RERE: variants seen among roughly 807,000 people sequenced by gnomAD.
The protein encoded by RERE is arginine-glutamic acid dipeptide repeats, also known as arginine-glutamic acid dipeptide repeats protein.
RERE carries 40 observed loss-of-function variants against 146.1 expected under a neutral mutation model. The observed-to-expected ratio is 0.27, with a 90% CI of 0.21 to 0.36. The LOEUF (loss-of-function observed/expected upper bound fraction) is 0.36, where lower values mean the gene tolerates loss of function less well. Ranked by LOEUF, RERE falls within the 10% of genes least tolerant of loss-of-function variation. The probability of loss-of-function intolerance (pLI) is 1.00; values close to 1 mark genes in which losing one functional copy is unlikely to be tolerated. For missense variants in RERE, 1,933 were observed against 2,138.7 expected, an observed-to-expected ratio of 0.90 and a Z score of 1.90; for synonymous variants, 1,003 against 866.0, an observed-to-expected ratio of 1.16 and a Z score of -2.78.
At chr1:8,403,546 A>C (rs1255577806) in intron 12 of RERE, among the ~76,000 whole-genome samples, 1 of 149,142 alleles carries the variant, frequency 6.7e-6, no homozygotes, top group Non-Finnish European at 1.5e-5. Flanking sequence ...TTGTATTTTT[A>C]GTAGAGGCAG....
chr1:8,440,183 C>G (rs1162596813), intron 11 of RERE, among the ~76,000 whole-genome samples: 5 of 152,232 alleles, frequency 3.3e-5, no homozygotes, highest in Admixed American at 2.0e-4. Context: ...TTGAAACTGT[C>G]ATCTTGGACT....
At chr1:8,363,124 G>A (rs1641656038) in intron 15 of RERE, among the ~76,000 whole-genome samples, 3 of 152,258 alleles carry the variant, frequency 2.0e-5, no homozygotes, top group Admixed American at 6.5e-5. Context: ...ACGTGTGCTG[G>A]AAATGAACCA....
At chr1:8,731,021 G>A (rs955783071) in intron 1 of RERE, among the ~76,000 whole-genome samples, 1 of 152,054 alleles carries the variant, frequency 6.6e-6, no homozygotes, top group African/African-American at 2.4e-5. Context: ...AGAGCAAACA[G>A]CTACCACAAA....
At chr1:8,428,285 T>C (rs1644045222) in intron 11 of RERE, among the ~76,000 whole-genome samples, 1 of 152,186 alleles carries the variant, frequency 6.6e-6, no homozygotes, top group African/African-American at 2.4e-5. Flanking sequence ...TCTTGAGATG[T>C]TGGCACTTGT....
intron 1 of RERE, among the ~76,000 whole-genome samples, chr1:8,738,343 T>C (rs1394129160): frequency 6.6e-6 from 1 of 151,988 alleles, no homozygotes; most frequent in Non-Finnish European, 1.5e-5. Flanking sequence ...AGTGCAGTGG[T>C]GTGAACTTGG....
At position 8,533,424 on chromosome 1, in the gene RERE, C is replaced by T. The variant is rs985766970; in HGVS notation, c.830+7790G>A. Among the ~76,000 whole-genome samples the T allele has an allele frequency of 3.9e-5, 6 of 152,182 alleles. No individual in the cohort carries two copies. In the South Asian group the frequency reaches 1.2e-3, roughly 32 times the overall value. ...ACAGTTAATGGTACATGGTTTCTTCCGATATTTCTGACGGTGAGCTTGGCA... is the reference window on the plus strand; with the variant it reads ...ACAGTTAATGGTACATGGTTTCTTCTGATATTTCTGACGGTGAGCTTGGCA... On this transcript the variant is annotated intron_variant, in intron 7 of 22. Transcript: ENST00000400908.
chr1:8,625,664 T>C (rs888563541), intron 2 of RERE, among the ~76,000 whole-genome samples: 1 of 152,184 alleles, frequency 6.6e-6, no homozygotes, highest in East Asian at 1.9e-4. Context: ...TATCTTACAA[T>C]AATTCAGATG....
chr1:8,433,609 G>A (rs965700891), intron 11 of RERE, among the ~76,000 whole-genome samples: 42 of 147,698 alleles, frequency 2.8e-4, no homozygotes, highest in African/African-American at 9.6e-4. Context: ...GTCGGACTGC[G>A]GACTGCAGTG....
At chr1:8,812,905 T>G (rs191766151) in intron 1 of RERE, among the ~76,000 whole-genome samples, 22 of 152,164 alleles carry the variant, frequency 1.4e-4, no homozygotes, top group Admixed American at 1.3e-3. Context: ...AACAATGTTC[T>G]AACACATATT....
At chr1:8,752,797 C>G (rs1490366328) in intron 1 of RERE, among the ~76,000 whole-genome samples, 1 of 152,030 alleles carries the variant, frequency 6.6e-6, no homozygotes, top group Non-Finnish European at 1.5e-5. Flanking sequence ...AACTTTAAAC[C>G]ATTTCATAAT....
At chr1:8,468,908 A>AAAG (rs1333224085) in intron 10 of RERE, among the ~76,000 whole-genome samples, 2 of 152,042 alleles carry the variant, frequency 1.3e-5, no homozygotes, top group African/African-American at 4.8e-5. Flanking sequence ...AATAAAAAAA[A>AAAG]AAAGAAAGAA....
chr1:8,611,293 C>A (rs957831487), intron 4 of RERE, among the ~76,000 whole-genome samples: 1 of 152,064 alleles, frequency 6.6e-6, no homozygotes, highest in Non-Finnish European at 1.5e-5. Flanking sequence ...CACTTGAGGT[C>A]AGGAGTTCAA....
intron 4 of RERE, among the ~76,000 whole-genome samples, chr1:8,579,298 T>TTACTTC (rs1646334883): frequency 6.6e-6 from 1 of 152,002 alleles, no homozygotes; most frequent in East Asian, 1.9e-4. Context: ...AAGAAAACTT[T>TTACTTC]AATAGCTGAC....
chr1:8,513,605 C>G (rs1021227428), intron 7 of RERE, among the ~76,000 whole-genome samples: 21 of 152,044 alleles, frequency 1.4e-4, no homozygotes, highest in Admixed American at 7.9e-4. Context: ...ATAGTGAAAC[C>G]CTGTCTCGAC....
At chr1:8,797,837 G>A (rs993458898) in intron 1 of RERE, among the ~76,000 whole-genome samples, 1 of 152,212 alleles carries the variant, frequency 6.6e-6, no homozygotes, top group East Asian at 1.9e-4. Flanking sequence ...AAAAGTAACA[G>A]GAAAAGTTGT....
chr1:8,411,705 T>C (rs1353981533), intron 12 of RERE, among the ~76,000 whole-genome samples: 1 of 152,172 alleles, frequency 6.6e-6, no homozygotes, highest in Non-Finnish European at 1.5e-5. Context: ...ACTATAATAT[T>C]TATAGTTTTA....
At position 8,682,410 on chromosome 1, in the gene RERE, GA is replaced by G. The variant is rs1352659305; in HGVS notation, c.-144-25970del. Among the ~76,000 whole-genome samples, 16 of 152,286 alleles carry G rather than the reference GA, an allele frequency of 1.1e-4. No homozygotes were observed. The East Asian group carries it at 3.1e-3, about 29-fold the overall frequency. On this transcript the variant is annotated intron_variant, in intron 1 of 22. Coordinates refer to ENST00000400908, the MANE Select transcript of RERE (RefSeq NM_001042681.2). ...ACCAATTCCTGTTCTGAGGTACTAT[GA>G]AAATATTATGTGGCTTGTTTTATTG...
At chr1:8,433,706 G>A (rs1385814573) in intron 11 of RERE, among the ~76,000 whole-genome samples, 2 of 151,590 alleles carry the variant, frequency 1.3e-5, no homozygotes, top group Non-Finnish European at 2.9e-5. Context: ...GACTACAGGC[G>A]CCCGCCACCG....
At chr1:8,700,375 A>T (rs1394399634) in intron 1 of RERE, among the ~76,000 whole-genome samples, 1 of 152,226 alleles carries the variant, frequency 6.6e-6, no homozygotes, top group African/African-American at 2.4e-5. Context: ...ACTCAACAGG[A>T]AAGCAGACAG....
Sources: allele counts gnomAD v4.1 joint callset (sites outside exome capture counted in the v4.1 genomes callset), GRCh38; gene constraint gnomAD v4.1.1; transcripts MANE v1.5; gene names NCBI Gene and HGNC (gene_info 2026-07-23, HGNC 2026-07-21).